Variants in ORC5 observed in about 807,000 individuals in gnomAD.
ORC5 encodes the protein origin recognition complex subunit 5.
A neutral mutation model predicts 58.8 loss-of-function variants in ORC5; 39 were observed. That is an observed-to-expected ratio of 0.66 (90% CI 0.51 to 0.87). The LOEUF (loss-of-function observed/expected upper bound fraction) is 0.87. ORC5 is among the 40% of genes least tolerant of loss of function. The pLI is 0.00. For synonymous variants in ORC5, 218 were observed against 177.6 expected (o/e 1.23, Z -1.81); for missense variants, 493 against 506.3 (o/e 0.97, Z 0.25).
intron 12 of ORC5, among the ~76,000 whole-genome samples, chr7:104,143,525 T>C (rs529503111): frequency 6.6e-6 from 1 of 152,154 alleles, no homozygotes; most frequent in East Asian, 1.9e-4. Flanking sequence ...GCAAAGAATA[T>C]AATATCACTT....
chr7:104,160,894 T>C (rs1044164789), intron 12 of ORC5, among the ~76,000 whole-genome samples, 178 bp downstream of exon 12: 12 of 152,152 alleles, frequency 7.9e-5, no homozygotes, highest in Admixed American at 7.9e-4. Context: ...GTAAATTTAG[T>C]GATACCCCCA....
intron 6 of ORC5, chr7:104,187,854 A>G (rs1584514519): frequency 1.0e-6 from 1 of 988,868 alleles, no homozygotes; most frequent in African/African-American, 1.7e-5. Flanking sequence ...CACCGCATAC[A>G]TAAAACTTGA....
chr7:104,157,673 T>A (rs1415944046), intron 12 of ORC5, among the ~76,000 whole-genome samples: 2 of 152,070 alleles, frequency 1.3e-5, no homozygotes, highest in Non-Finnish European at 2.9e-5. Flanking sequence ...CCATTGTTTT[T>A]AATTGCCATA....
At chr7:104,178,259 C>A (rs1234301751) in intron 8 of ORC5, among the ~76,000 whole-genome samples, 4 of 152,204 alleles carry the variant, frequency 2.6e-5, no homozygotes. Flanking sequence ...AATAGCCATT[C>A]TAACTGGCTT....
intron 8 of ORC5, among the ~76,000 whole-genome samples, chr7:104,177,335 G>T (rs945198256): frequency 1.3e-5 from 2 of 152,076 alleles, no homozygotes; most frequent in African/African-American, 4.8e-5. Flanking sequence ...TCTAAGAAAA[G>T]ACTATATTTG....
intron 2 of ORC5, among the ~76,000 whole-genome samples, chr7:104,201,388 T>C (rs960747113): frequency 6.6e-6 from 1 of 152,170 alleles, no homozygotes; most frequent in Non-Finnish European, 1.5e-5. Context: ...TGTACCATCA[T>C]CCCTTAGTGA....
chr7:104,184,219 A>G (rs7807228), intron 6 of ORC5, 48 bp from the exon 7 acceptor site: 5 of 1,166,090 alleles, frequency 4.3e-6, no homozygotes, highest in Non-Finnish European at 6.1e-6. Context: ...CTGATCGATC[A>G]CAATTAGAAA....
At chr7:104,190,951 T>C (rs1799660987) in intron 5 of ORC5, among the ~76,000 whole-genome samples, 2 of 151,870 alleles carry the variant, frequency 1.3e-5, no homozygotes, top group Admixed American at 6.6e-5. Context: ...ATATGAACTA[T>C]CTGAAAATTT....
chr7:104,200,324 G>A (rs915318261), intron 3 of ORC5, among the ~76,000 whole-genome samples: 8 of 151,990 alleles, frequency 5.3e-5, no homozygotes, highest in South Asian at 2.1e-4. Flanking sequence ...TTTTTCTCCC[G>A]TCATACTTTA....
At chr7:104,165,435 G>C in intron 10 of ORC5, 153 bp from the exon 11 acceptor site, 4 of 506,574 alleles carry the variant, frequency 7.9e-6, no homozygotes, top group Middle Eastern at 5.8e-4. Flanking sequence ...ATATATATTA[G>C]ACTTCAACAT....
rs761556624 is a variant in ORC5, at chr7:104,200,724, A to C, written c.366+34T>G. ...ATCTAATAAATTATCAGTTTTCAAG[A>C]TAAGAGATGATCTAATCAAATGAAA... is the stretch of plus-strand genomic sequence containing the variant. On this transcript the variant is annotated intron_variant, in intron 3 of 13. Transcript: ENST00000297431. 6.3e-6 allele frequency: 8 copies of C among 1,275,620 alleles called. No homozygotes were observed. In the South Asian group the frequency reaches 7.6e-5, roughly 12 times the overall value. 79.0% of individuals were successfully genotyped at this position (1,275,620 alleles called of 1,614,324 possible). A position where few individuals can be genotyped will look rare whatever the true frequency, so the allele number is the denominator to read the frequency against.
chr7:104,129,295 C>T lies in ORC5; in HGVS notation c.1263-2402G>A, dbSNP rs947811914. 3.3e-5 allele frequency among the ~76,000 whole-genome samples: 5 copies of T among 152,086 alleles called. No homozygotes were observed. Among genetic ancestry groups the T allele is most frequent in the Non-Finnish European group, 5.9e-5 (4 of 68,002 alleles). On this transcript the variant is annotated intron_variant, in intron 13 of 13. Transcript: ENST00000297431. This position sits in a 1 kb window ranked among gnomAD's most constrained non-coding sequence, Gnocchi z 4.9. ...AATGGAGTGACTTAAAAACACTAAG[C>T]AACTTAAATGTTCATAAAACTTTCA...
At chr7:104,171,977 G>A (rs1009928463) in intron 8 of ORC5, among the ~76,000 whole-genome samples, 5 of 152,218 alleles carry the variant, frequency 3.3e-5, no homozygotes, top group Admixed American at 1.3e-4. Context: ...CTTTCTTCAA[G>A]TAATTTCATT....
intron 8 of ORC5, among the ~76,000 whole-genome samples, chr7:104,176,635 G>A (rs1167492445): frequency 6.6e-6 from 1 of 151,758 alleles, no homozygotes; most frequent in Non-Finnish European, 1.5e-5. Context: ...GCTAGGAATA[G>A]TTTTTCAGGT....
intron 9 of ORC5, among the ~76,000 whole-genome samples, chr7:104,167,189 A>G (rs1775828016): frequency 6.6e-6 from 1 of 152,162 alleles, no homozygotes; most frequent in Non-Finnish European, 1.5e-5. Flanking sequence ...ACACCAAAAT[A>G]GAGAAACTTA....
intron 9 of ORC5, 36 bp downstream of exon 9, chr7:104,168,437 T>C (rs757020316): frequency 2.5e-6 from 4 of 1,602,180 alleles, no homozygotes; most frequent in Non-Finnish European, 2.6e-6. Flanking sequence ...GCTGAAGAAG[T>C]ATCTCCGGTA....
chr7:104,129,078 G>T lies in ORC5; in HGVS notation c.1263-2185C>A, dbSNP rs192760858. Reference sequence around the variant, plus strand: ...GCAATATTAAGGGAGAAAGGGAGAAGAAATAATTGCAAGTAAGTTGTGACG... The same window carrying T: ...GCAATATTAAGGGAGAAAGGGAGAATAAATAATTGCAAGTAAGTTGTGACG... On this transcript the variant is annotated intron_variant, in intron 13 of 13. Transcript: ENST00000297431. The surrounding 1 kb of genome is among the most constrained non-coding windows in gnomAD (Gnocchi z 4.9). 2.0e-5 allele frequency among the ~76,000 whole-genome samples: 3 copies of T among 152,224 alleles called. No homozygotes were observed. The highest frequency in any genetic ancestry group is 4.4e-5 in the Non-Finnish European group (3 of 68,016).
intron 4 of ORC5, 32 bp downstream of exon 4, chr7:104,197,693 G>A (rs1203524132): frequency 7.0e-7 from 1 of 1,429,680 alleles, no homozygotes; most frequent in Admixed American, 1.8e-5. Flanking sequence ...TGATTAAGTT[G>A]TGGGGAGAAA....
chr7:104,188,195 T>TACACACACAC lies in ORC5; in HGVS notation c.684+46_684+55dup, dbSNP rs34643155. On this transcript the variant is annotated intron_variant, in intron 6 of 13. Coordinates refer to ENST00000297431, the MANE Select transcript of ORC5 (RefSeq NM_002553.4). ...AAATACATATATACACATATATGTA[T>TACACACACAC]ACACACACACACACACACACACATA... 1.0e-4 allele frequency: 106 copies of TACACACACAC among 1,017,342 alleles called. No homozygotes were observed. In the African/African-American group the frequency reaches 1.5e-3, roughly 15 times the overall value. 63.0% of individuals were successfully genotyped at this position (1,017,342 alleles called of 1,614,324 possible).
Sources: gnomAD v4.1 joint callset for allele counts (sites outside exome capture counted in the v4.1 genomes callset) on GRCh38, gnomAD v4.1.1 for gene constraint, Gnocchi (gnomAD v3.1) non-coding constraint, MANE v1.5 for transcripts, NCBI Gene and HGNC (gene_info 2026-07-23, HGNC 2026-07-21) for gene names.